Variants in HELZ observed in about 807,000 individuals in gnomAD.
HELZ encodes helicase with zinc finger.
A neutral mutation model predicts 218.2 loss-of-function variants in HELZ; 23 were observed. That is an observed-to-expected ratio of 0.11 (90% CI 0.08 to 0.15). The LOEUF (loss-of-function observed/expected upper bound fraction) is 0.15. Ranked by LOEUF, HELZ falls within the 10% of genes least tolerant of loss-of-function variation. The pLI, the probability that HELZ is intolerant of heterozygous loss-of-function variation, is 1.00. For synonymous variants in HELZ, 814 were observed against 829.4 expected (o/e 0.98, Z 0.32); for missense variants, 1,813 against 2,353.7 (o/e 0.77, Z 4.75).
chr17:67,196,230 A>G (rs2040024920), intron 7 of HELZ, among the ~76,000 whole-genome samples: 2 of 151,980 alleles, frequency 1.3e-5, no homozygotes, highest in East Asian at 1.9e-4. Flanking sequence ...TACCCCACTC[A>G]CTCTGAGATG....
intron 17 of HELZ, among the ~76,000 whole-genome samples, chr17:67,152,427 A>T (rs1374507531): frequency 1.3e-5 from 2 of 152,146 alleles, no homozygotes; most frequent in African/African-American, 4.8e-5. Context: ...CAATAGAGAT[A>T]TGAAAATGGT....
intron 32 of HELZ, among the ~76,000 whole-genome samples, chr17:67,082,597 A>G (rs2036228127): frequency 6.6e-6 from 1 of 152,168 alleles, no homozygotes. Flanking sequence ...AAATGATTTT[A>G]AAGCATTTAA....
At chr17:67,196,147 C>G (rs190661438) in intron 7 of HELZ, among the ~76,000 whole-genome samples, 4 of 152,186 alleles carry the variant, frequency 2.6e-5, no homozygotes, top group Admixed American at 2.6e-4. Flanking sequence ...CCACCACGCC[C>G]GGCTAGAGGT....
intron 3 of HELZ, among the ~76,000 whole-genome samples, chr17:67,233,853 A>G (rs1366829527): frequency 6.6e-6 from 1 of 151,856 alleles, no homozygotes; most frequent in Non-Finnish European, 1.5e-5. Flanking sequence ...CAAGTTCTGT[A>G]TACATAGAAA....
intron 4 of HELZ, among the ~76,000 whole-genome samples, chr17:67,216,636 C>A (rs1392130927): frequency 6.6e-6 from 1 of 151,826 alleles, no homozygotes; most frequent in Non-Finnish European, 1.5e-5. Flanking sequence ...TCCCCCAATT[C>A]TCTCCTAAGC....
At chr17:67,097,175 A>G (rs1187302379) in intron 31 of HELZ, among the ~76,000 whole-genome samples, 1 of 152,252 alleles carries the variant, frequency 6.6e-6, no homozygotes, top group African/African-American at 2.4e-5. Context: ...TGATTGCTCA[A>G]AAACAATCAC....
intron 31 of HELZ, among the ~76,000 whole-genome samples, chr17:67,090,281 C>A (rs1380073126): frequency 6.6e-6 from 1 of 152,144 alleles, no homozygotes; most frequent in African/African-American, 2.4e-5. Flanking sequence ...ATAGTATATT[C>A]TTTTCATATA....
chr17:67,119,388 CAAAT>C (rs1212662702), intron 27 of HELZ, among the ~76,000 whole-genome samples: 9 of 152,210 alleles, frequency 5.9e-5, no homozygotes, highest in Non-Finnish European at 1.5e-5. Context: ...AAGCTGGACA[CAAAT>C]AATTATAGAA....
rs2035953734 is a variant in HELZ at position 67,073,910 on chromosome 17, C to T, written c.*4342G>A. 1 of 152,128 alleles carries T rather than the reference C, an allele frequency of 6.6e-6. No individual in the cohort carries two copies. The highest frequency in any genetic ancestry group is 6.5e-5 in the Admixed American group (1 of 15,278). 9.4% of individuals were successfully genotyped at this position (152,128 alleles called of 1,614,324 possible). A position where few individuals can be genotyped will look rare whatever the true frequency, so the allele number is the denominator to read the frequency against. On this transcript the variant is annotated 3_prime_UTR_variant, in exon 33 of 33. Transcript: ENST00000358691. ...TCAAGCAGATGGGAAATGTGAGGAG[C>T]ATATCATAATGAGCATTTTCAAGAC...
At chr17:67,218,543 A>C in intron 4 of HELZ, 52 bp downstream of exon 4, 2 of 1,388,046 alleles carry the variant, frequency 1.4e-6, no homozygotes, top group Non-Finnish European at 2.1e-6. Flanking sequence ...CCCTCAATGA[A>C]AAAGGCCATT....
At chr17:67,112,233 G>A (rs1279290514) in intron 28 of HELZ, among the ~76,000 whole-genome samples, 1 of 152,096 alleles carries the variant, frequency 6.6e-6, no homozygotes, top group Non-Finnish European at 1.5e-5. Flanking sequence ...AAAGCATCAG[G>A]GTGGGAGAGA....
rs2035965933 is a variant in HELZ at position 67,074,322 on chromosome 17, A to C, written c.*3930T>G. 1 of 152,148 alleles carries C rather than the reference A, an allele frequency of 6.6e-6. No individual in the cohort carries two copies. Among genetic ancestry groups the C allele is most frequent in the South Asian group, 2.1e-4 (1 of 4,814 alleles). The allele number at this position is 152,148 out of a possible 1,614,324, so 9.4% of individuals were successfully genotyped here. On this transcript the variant is annotated 3_prime_UTR_variant, in exon 33 of 33. Transcript: ENST00000358691. ...CAATTTGTATCTTTCAATACATTTA[A>C]AGTTTTAACCTTGTATTTTTATAGA...
rs1008467345 is a variant in HELZ at position 67,070,675 on chromosome 17, G to A, written c.*7577C>T. ...AAGAAGAAAATAAAAACCCTAGAGA[G>A]TGGCTTTGGGGTTATTTTATGGTAC... On this transcript the variant is annotated 3_prime_UTR_variant, in exon 33 of 33. Coordinates refer to ENST00000358691, the MANE Select transcript of HELZ (RefSeq NM_014877.4). 2 of 152,136 alleles carry A rather than the reference G, an allele frequency of 1.3e-5. No homozygotes were observed. Among genetic ancestry groups the A allele is most frequent in the African/African-American group, 4.8e-5 (2 of 41,428 alleles). 9.4% of individuals were successfully genotyped at this position (152,136 alleles called of 1,614,324 possible). A position where few individuals can be genotyped will look rare whatever the true frequency, so the allele number is the denominator to read the frequency against.
chr17:67,120,841 G>C (rs2037588240), intron 26 of HELZ, among the ~76,000 whole-genome samples: 1 of 152,152 alleles, frequency 6.6e-6, no homozygotes, highest in African/African-American at 2.4e-5. Flanking sequence ...ATGGAAAATA[G>C]ATCATTTTTC....
chr17:67,240,907 C>T (rs1205072684), intron 2 of HELZ, among the ~76,000 whole-genome samples: 1 of 152,148 alleles, frequency 6.6e-6, no homozygotes, highest in Non-Finnish European at 1.5e-5. Context: ...ATAGTTATTA[C>T]ATGTATATAT....
chr17:67,147,382 G>C (rs2038532823), intron 20 of HELZ, among the ~76,000 whole-genome samples: 1 of 152,084 alleles, frequency 6.6e-6, no homozygotes, highest in Non-Finnish European at 1.5e-5. Flanking sequence ...TTATAATTTG[G>C]GTATGTCAGG....
At position 67,188,958 on chromosome 17, in the gene HELZ, GT is replaced by G. The variant is rs1443972877; in HGVS notation, c.865-343del. On this transcript the variant is annotated intron_variant, in intron 11 of 32. Transcript: ENST00000358691. The surrounding 1 kb of genome is among the most constrained non-coding windows in gnomAD (Gnocchi z 4.1). Reference sequence around the variant, plus strand: ...AGTAGGAAGCCTTCGTAAGAGGGCAGTTACCTCTGAAAGCACTGGATTGGGT... The same window carrying G: ...AGTAGGAAGCCTTCGTAAGAGGGCAGTACCTCTGAAAGCACTGGATTGGGT... 6.6e-6 allele frequency among the ~76,000 whole-genome samples: 1 copy of G among 152,144 alleles called. No individual in the cohort carries two copies. The highest frequency in any genetic ancestry group is 1.5e-5 in the Non-Finnish European group (1 of 68,020).
intron 1 of HELZ, 54 bp from the exon 2 acceptor site, chr17:67,243,893 G>A (rs916050019): frequency 1.7e-5 from 10 of 583,650 alleles, no homozygotes; most frequent in African/African-American, 6.1e-5. Flanking sequence ...GACATTATCA[G>A]TAGCAAACAT....
At chr17:67,230,390 G>A (rs992324426) in intron 3 of HELZ, among the ~76,000 whole-genome samples, 1 of 152,142 alleles carries the variant, frequency 6.6e-6, no homozygotes, top group Non-Finnish European at 1.5e-5. Flanking sequence ...GAGGTCAAGA[G>A]ATGGAGACCA....
Sources: allele counts gnomAD v4.1 joint callset (sites outside exome capture counted in the v4.1 genomes callset), GRCh38; gene constraint gnomAD v4.1.1; non-coding constraint Gnocchi (gnomAD v3.1); transcripts MANE v1.5; gene names NCBI Gene and HGNC (gene_info 2026-07-23, HGNC 2026-07-21).